The following CMTM7 variants were observed in gnomAD, a reference collection of about 807,000 sequenced individuals.
The protein encoded by CMTM7 is CKLF like MARVEL transmembrane domain containing 7.
Under a neutral mutation model 19.3 loss-of-function variants are expected in CMTM7, and 7 were observed. The ratio of observed to expected loss-of-function variants is 0.36; its 90% CI spans 0.21 to 0.68. The LOEUF is 0.68. Ranked by LOEUF, CMTM7 falls within the 30% of genes least tolerant of loss-of-function variation. The pLI is 0.60. For missense variants in CMTM7, 193 were observed against 232.6 expected, an observed-to-expected ratio of 0.83 and a Z score of 1.11; for synonymous variants, 87 against 99.3, an observed-to-expected ratio of 0.88 and a Z score of 0.74.
At chr3:32,402,165 G>A (rs1471751700) in intron 1 of CMTM7, among the ~76,000 whole-genome samples, 6 of 152,198 alleles carry the variant, frequency 3.9e-5, no homozygotes, top group South Asian at 2.1e-4. Context: ...AGACTGGAGT[G>A]CAGTGGTGCA....
At chr3:32,395,226 A>T (rs973865684) in intron 1 of CMTM7, among the ~76,000 whole-genome samples, 4 of 152,012 alleles carry the variant, frequency 2.6e-5, no homozygotes, top group Non-Finnish European at 5.9e-5. Flanking sequence ...ACTGGTCTTG[A>T]ACTTAGAGAT....
rs530423332 is a variant in CMTM7, at chr3:32,429,995, G to A, written c.160-11845G>A. Among the ~76,000 whole-genome samples the A allele has an allele frequency of 3.0e-4, 45 of 152,278 alleles. 1 individual carries two copies. Among genetic ancestry groups the A allele is most frequent in the African/African-American group, 9.6e-4 (40 of 41,558 alleles). Reference sequence around the variant, plus strand: ...GTGAACACTTGTGTACCTGTCACCCGACTACAACAATCATCAACTCATGGT... The same window carrying A: ...GTGAACACTTGTGTACCTGTCACCCAACTACAACAATCATCAACTCATGGT... On this transcript the variant is annotated intron_variant, in intron 1 of 4. Transcript: ENST00000334983.
chr3:32,428,410 A>G lies in CMTM7; in HGVS notation c.160-13430A>G, dbSNP rs796128206. On this transcript the variant is annotated intron_variant, in intron 1 of 4. Coordinates refer to ENST00000334983, the MANE Select transcript of CMTM7 (RefSeq NM_138410.4). ...GGGTACCTCATGGAGGAGAAATGTA[A>G]AATAAACAGGAGTTTCAATGAACTG... Among the ~76,000 whole-genome samples, 11 of 152,338 alleles carry G rather than the reference A, an allele frequency of 7.2e-5. 1 individual carries two copies. Among genetic ancestry groups the G allele is most frequent in the African/African-American group, 2.6e-4 (11 of 41,574 alleles).
At chr3:32,425,626 G>A (rs1462663929) in intron 1 of CMTM7, among the ~76,000 whole-genome samples, 1 of 152,172 alleles carries the variant, frequency 6.6e-6, no homozygotes, top group Non-Finnish European at 1.5e-5. Context: ...TTGTTCGGTT[G>A]GTGGGGGAAG....
chr3:32,395,924 C>T (rs7619241), intron 1 of CMTM7, among the ~76,000 whole-genome samples: 4 of 151,978 alleles, frequency 2.6e-5, no homozygotes, highest in African/African-American at 9.7e-5. Flanking sequence ...AAACTAAGTG[C>T]TACATTCATA....
At chr3:32,447,929 G>A (rs1301410345) in intron 2 of CMTM7, among the ~76,000 whole-genome samples, 1 of 152,146 alleles carries the variant, frequency 6.6e-6, no homozygotes, top group African/African-American at 2.4e-5. Flanking sequence ...ATTACCCACT[G>A]TTATTTTGAG....
At chr3:32,435,755 G>A (rs866610405) in intron 1 of CMTM7, among the ~76,000 whole-genome samples, 1 of 152,184 alleles carries the variant, frequency 6.6e-6, no homozygotes. Flanking sequence ...TAAAGCCACT[G>A]CCATACTGGG....
intron 3 of CMTM7, chr3:32,452,140 G>C: frequency 6.7e-7 from 1 of 1,483,040 alleles, no homozygotes; most frequent in Middle Eastern, 1.7e-4. Flanking sequence ...AAGCTGCCAA[G>C]AGTGAAGACC....
intron 1 of CMTM7, among the ~76,000 whole-genome samples, chr3:32,406,399 T>G (rs946054818): frequency 6.6e-6 from 1 of 152,182 alleles, no homozygotes; most frequent in Non-Finnish European, 1.5e-5. Context: ...TGTTGCATGC[T>G]TTTCAACATT....
At position 32,429,879 on chromosome 3, in the gene CMTM7, A is replaced by G. The variant is rs565408367; in HGVS notation, c.160-11961A>G. 3.9e-5 allele frequency among the ~76,000 whole-genome samples: 6 copies of G among 152,296 alleles called. No individual in the cohort carries two copies. The South Asian group carries it at 1.2e-3, about 32-fold the overall frequency. On this transcript the variant is annotated intron_variant, in intron 1 of 4. Transcript: ENST00000334983. ...CTCCCAAATTGCTGGGATTGCAGGC[A>G]TGAGCCACTGCGCCCAGCCGAGCAG...
chr3:32,402,509 A>G (rs1412422866), intron 1 of CMTM7, among the ~76,000 whole-genome samples: 7 of 152,242 alleles, frequency 4.6e-5, no homozygotes, highest in African/African-American at 1.7e-4. Context: ...CTGAAGCTTC[A>G]GAAAAAAGCT....
At chr3:32,444,351 G>A in intron 2 of CMTM7, among the ~76,000 whole-genome samples, 1 of 152,180 alleles carries the variant, frequency 6.6e-6, no homozygotes, top group East Asian at 1.9e-4. Flanking sequence ...CACCCTTGTT[G>A]AAATCAGTTG....
intron 2 of CMTM7, among the ~76,000 whole-genome samples, chr3:32,446,249 A>G (rs1310205103): frequency 1.3e-5 from 2 of 152,182 alleles, no homozygotes; most frequent in African/African-American, 4.8e-5. Context: ...ATATATGTCT[A>G]GGAATTTGTC....
At chr3:32,448,540 G>A (rs890369676) in intron 2 of CMTM7, among the ~76,000 whole-genome samples, 2 of 152,210 alleles carry the variant, frequency 1.3e-5, no homozygotes, top group Admixed American at 1.3e-4. Context: ...GTTCTTCTCG[G>A]ATCTGATGTT....
chr3:32,407,584 T>C (rs1182762319), intron 1 of CMTM7, among the ~76,000 whole-genome samples: 1 of 152,152 alleles, frequency 6.6e-6, no homozygotes, highest in African/African-American at 2.4e-5. Context: ...TCGTGACACA[T>C]ACTGTTTTCA....
At chr3:32,415,852 C>T (rs1237578727) in intron 1 of CMTM7, among the ~76,000 whole-genome samples, 2 of 152,184 alleles carry the variant, frequency 1.3e-5, no homozygotes, top group Non-Finnish European at 2.9e-5. Context: ...TATGCTAGTC[C>T]CTTTGATAAG....
chr3:32,398,380 T>C (rs891544515), intron 1 of CMTM7, among the ~76,000 whole-genome samples: 1 of 152,182 alleles, frequency 6.6e-6, no homozygotes, highest in African/African-American at 2.4e-5. Context: ...GGGAGGTTCA[T>C]TTATTTATTT....
At position 32,449,361 on chromosome 3, in the gene CMTM7, C is replaced by G. The variant is rs1696796118; in HGVS notation, c.334-93C>G. 8.0e-6 allele frequency: 7 copies of G among 875,900 alleles called. No individual in the cohort carries two copies. The highest frequency in any genetic ancestry group is 1.6e-5 in the African/African-American group (1 of 60,692). The allele number at this position is 875,900 out of a possible 1,614,324, so 54.3% of individuals were successfully genotyped here. A position where few individuals can be genotyped will look rare whatever the true frequency, so the allele number is the denominator to read the frequency against. ...GGGAGAAGAGGAAGCGTCACTCTCT[C>G]CCTTTCTTTTCATGTCTTCTGATGC... On this transcript the variant is annotated intron_variant, in intron 2 of 4. Transcript: ENST00000334983. The surrounding 1 kb of genome is among the most constrained non-coding windows in gnomAD (Gnocchi z 4.5).
At chr3:32,394,720 G>A (rs1419275884) in intron 1 of CMTM7, among the ~76,000 whole-genome samples, 1 of 151,948 alleles carries the variant, frequency 6.6e-6, no homozygotes, top group African/African-American at 2.4e-5. Flanking sequence ...TTCTTGAGAG[G>A]GAGTCTTGCT....
Sources: gnomAD v4.1 joint callset for allele counts (sites outside exome capture counted in the v4.1 genomes callset) on GRCh38, gnomAD v4.1.1 for gene constraint, Gnocchi (gnomAD v3.1) non-coding constraint, MANE v1.5 for transcripts, NCBI Gene and HGNC (gene_info 2026-07-23, HGNC 2026-07-21) for gene names.